The following DPP10 variants were observed in gnomAD, a reference collection of about 807,000 sequenced individuals.
DPP10 encodes the protein inactive dipeptidyl peptidase 10.
Under a neutral mutation model 120.9 loss-of-function variants are expected in DPP10, and 33 were observed. That is an observed-to-expected ratio of 0.27 (90% CI 0.21 to 0.37). DPP10 has a LOEUF of 0.37. Ranked by LOEUF, DPP10 falls within the 10% of genes least tolerant of loss-of-function variation. The pLI is 1.00. For missense variants in DPP10, 816 were observed against 942.8 expected (o/e 0.87, Z 1.76); for synonymous variants, 337 against 326.1 (o/e 1.03, Z -0.36).
chr2:114,727,900 T>A (rs1676496949), intron 1 of DPP10, among the ~76,000 whole-genome samples: 1 of 152,196 alleles, frequency 6.6e-6, no homozygotes, highest in Non-Finnish European at 1.5e-5. Flanking sequence ...AGCACATCAC[T>A]TAAAAACCCT....
intron 1 of DPP10, among the ~76,000 whole-genome samples, chr2:115,173,567 T>G (rs2053508536): frequency 6.6e-6 from 1 of 152,196 alleles, no homozygotes; most frequent in Non-Finnish European, 1.5e-5. Context: ...TGACTTCCAT[T>G]TACAGCCAAT....
chr2:115,523,548 T>A (rs1374049498), intron 4 of DPP10, among the ~76,000 whole-genome samples: 2 of 152,128 alleles, frequency 1.3e-5, no homozygotes, highest in African/African-American at 4.8e-5. Flanking sequence ...TTCTAATCCC[T>A]GTAGGACAAG....
At chr2:115,676,986 G>A (rs1279352332) in intron 5 of DPP10, among the ~76,000 whole-genome samples, 1 of 152,106 alleles carries the variant, frequency 6.6e-6, no homozygotes, top group Non-Finnish European at 1.5e-5. Context: ...CGGTAAATTT[G>A]TTAGTGGAAA....
intron 1 of DPP10, among the ~76,000 whole-genome samples, chr2:115,187,335 C>A (rs899799988): frequency 6.6e-6 from 1 of 151,932 alleles, no homozygotes; most frequent in African/African-American, 2.4e-5. Context: ...CGCGCCCGGC[C>A]GGTGCAAAGA....
intron 3 of DPP10, among the ~76,000 whole-genome samples, chr2:115,395,053 C>T (rs755690224): frequency 6.6e-6 from 1 of 152,206 alleles, no homozygotes; most frequent in South Asian, 2.1e-4. Flanking sequence ...CTCTTCACCT[C>T]TATGTGATTT....
intron 1 of DPP10, among the ~76,000 whole-genome samples, chr2:114,591,785 C>T (rs943382067): frequency 3.3e-5 from 5 of 151,940 alleles, no homozygotes; most frequent in African/African-American, 1.2e-4. Flanking sequence ...GAACTCCTGA[C>T]CTCATGATCT....
intron 1 of DPP10, among the ~76,000 whole-genome samples, chr2:114,933,438 C>G (rs537346258): frequency 6.6e-6 from 1 of 152,260 alleles, no homozygotes; most frequent in East Asian, 1.9e-4. Flanking sequence ...ACTGTCCTAG[C>G]CAGTAGTTTA....
intron 17 of DPP10, among the ~76,000 whole-genome samples, chr2:115,787,154 T>C (rs1161009754): frequency 6.6e-6 from 1 of 152,220 alleles, no homozygotes; most frequent in Non-Finnish European, 1.5e-5. Flanking sequence ...AGTCCAACAA[T>C]TGTTAGAAGA....
chr2:115,032,302 G>A (rs1005168166), intron 1 of DPP10, among the ~76,000 whole-genome samples: 1 of 151,860 alleles, frequency 6.6e-6, no homozygotes, highest in African/African-American at 2.4e-5. Flanking sequence ...GAAAAGAGTT[G>A]AAGAAGTAAA....
At chr2:115,470,574 A>G (rs1399513033) in intron 3 of DPP10, among the ~76,000 whole-genome samples, 5 of 152,220 alleles carry the variant, frequency 3.3e-5, no homozygotes, top group Non-Finnish European at 2.9e-5. Flanking sequence ...TCCATCCAGA[A>G]GAGAAACGAT....
intron 1 of DPP10, among the ~76,000 whole-genome samples, chr2:114,484,480 A>G (rs911306542): frequency 1.3e-5 from 2 of 152,154 alleles, no homozygotes; most frequent in African/African-American, 4.8e-5. Context: ...GTAAAAACAT[A>G]CTTTGTTTTA....
intron 1 of DPP10, among the ~76,000 whole-genome samples, chr2:114,821,883 C>T (rs1686120204): frequency 6.6e-6 from 1 of 152,164 alleles, no homozygotes; most frequent in African/African-American, 2.4e-5. Flanking sequence ...CAGCTCCACC[C>T]CTGTGGTTTT....
chr2:115,827,318 C>CATGTATATGTATATGTAT (rs70941100), intron 21 of DPP10, among the ~76,000 whole-genome samples: 64,541 of 137,496 alleles, frequency 0.47, 16,345 homozygotes, highest in East Asian at 0.76. Context: ...TACACATGTA[C>CATGTATATGTATATGTAT]ATGTATATGT....
At chr2:115,501,778 C>T (rs1483103927) in intron 4 of DPP10, among the ~76,000 whole-genome samples, 1 of 152,008 alleles carries the variant, frequency 6.6e-6, no homozygotes. Flanking sequence ...TCATTCTCTC[C>T]TAACTTCAAA....
intron 3 of DPP10, among the ~76,000 whole-genome samples, chr2:115,415,840 TTTATA>T (rs1459753987): frequency 5.2e-4 from 43 of 83,396 alleles, no homozygotes; most frequent in African/African-American, 1.1e-3. Flanking sequence ...CTGATTTGCT[TTTATA>T]TATATATATA....
chr2:115,026,530 A>G (rs1221832176), intron 1 of DPP10, among the ~76,000 whole-genome samples: 2 of 151,354 alleles, frequency 1.3e-5, no homozygotes, highest in Non-Finnish European at 1.5e-5. Flanking sequence ...TGTTTTTTCT[A>G]TTCCTTTTCT....
intron 3 of DPP10, among the ~76,000 whole-genome samples, chr2:115,477,573 G>A (rs556550869): frequency 1.3e-4 from 20 of 152,194 alleles, no homozygotes; most frequent in South Asian, 8.3e-4. Flanking sequence ...TGCCAATAAT[G>A]TCCAAAACAA....
At chr2:115,423,346 A>G (rs2070157992) in intron 3 of DPP10, among the ~76,000 whole-genome samples, 1 of 152,174 alleles carries the variant, frequency 6.6e-6, no homozygotes, top group South Asian at 2.1e-4. Flanking sequence ...GAGACGCTGT[A>G]TGGTACATAT....
At chr2:115,778,443 A>G (rs1404069077) in intron 15 of DPP10, among the ~76,000 whole-genome samples, 4 of 152,134 alleles carry the variant, frequency 2.6e-5, no homozygotes, top group African/African-American at 4.8e-5. Context: ...AAAAGGCTTA[A>G]GCTCACACCT....
Sources: allele counts gnomAD v4.1 joint callset (sites outside exome capture counted in the v4.1 genomes callset), GRCh38; gene constraint gnomAD v4.1.1; transcripts MANE v1.5; gene names NCBI Gene and HGNC (gene_info 2026-07-23, HGNC 2026-07-21).